Variants in TENM3 observed in about 807,000 individuals in gnomAD.
The protein encoded by TENM3 is teneurin transmembrane protein 3, also known as teneurin-3.
In TENM3, 63 loss-of-function variants were observed where a neutral mutation model predicts 255.1. The ratio of observed to expected loss-of-function variants is 0.25; its 90% CI spans 0.20 to 0.30. TENM3 has a LOEUF of 0.30. TENM3 is among the 10% of genes least tolerant of loss of function. TENM3 has a pLI of 1.00. For missense variants in TENM3, 2,929 were observed against 3,461.1 expected (o/e 0.85, Z 3.86); for synonymous variants, 1,306 against 1,322.3 (o/e 0.99, Z 0.27).
the TENM3 span, among the ~76,000 whole-genome samples, chr4:181,543,158 T>G: frequency 1.3e-5 from 2 of 152,318 alleles, no homozygotes; most frequent in South Asian, 4.1e-4. Context: ...TCTTATAAAA[T>G]GTATTCCCAC....
chr4:181,527,264 A>G, the TENM3 span, among the ~76,000 whole-genome samples: 6 of 152,208 alleles, frequency 3.9e-5, no homozygotes, highest in African/African-American at 1.2e-4. Flanking sequence ...CTTTTTGTAA[A>G]TGGATTCCCA....
the TENM3 span, among the ~76,000 whole-genome samples, chr4:181,787,862 G>A: frequency 4.6e-5 from 7 of 152,208 alleles, 1 homozygote; most frequent in African/African-American, 1.2e-4. Context: ...CTAGCCAAGC[G>A]TGGTAGTGGG....
At chr4:181,733,600 G>A in the TENM3 span, among the ~76,000 whole-genome samples, 1 of 152,138 alleles carries the variant, frequency 6.6e-6, no homozygotes, top group Non-Finnish European at 1.5e-5. Context: ...GGCATCACTT[G>A]TTTGAATGAT....
intron 1 of TENM3, among the ~76,000 whole-genome samples, chr4:182,304,540 T>G (rs1762032648): frequency 6.6e-6 from 1 of 152,110 alleles, no homozygotes; most frequent in African/African-American, 2.4e-5. Context: ...TAAAATTGGC[T>G]GTATTGTCTC....
chr4:182,284,090 C>T (rs985238904), intron 1 of TENM3, among the ~76,000 whole-genome samples: 3 of 152,154 alleles, frequency 2.0e-5, no homozygotes, highest in South Asian at 2.1e-4. Flanking sequence ...ACAAAGTCTA[C>T]GTTTATAAGA....
chr4:181,615,144 G>T, the TENM3 span, among the ~76,000 whole-genome samples: 13 of 152,230 alleles, frequency 8.5e-5, no homozygotes, highest in East Asian at 1.2e-3. Flanking sequence ...GATCAGAGAG[G>T]TTCATCTGTA....
At chr4:182,341,709 G>A (rs1388862346) in intron 2 of TENM3, among the ~76,000 whole-genome samples, 6 of 152,180 alleles carry the variant, frequency 3.9e-5, no homozygotes, top group African/African-American at 1.2e-4. Context: ...ATAGGATATA[G>A]TTCCAAAGGT....
intron 3 of TENM3, among the ~76,000 whole-genome samples, chr4:182,597,462 A>C (rs1747375109): frequency 6.6e-6 from 1 of 152,202 alleles, no homozygotes; most frequent in South Asian, 2.1e-4. Context: ...TTTCAGTAAC[A>C]GAAATAAAAT....
At chr4:182,704,673 T>C (rs1226287066) in intron 12 of TENM3, among the ~76,000 whole-genome samples, 1 of 152,168 alleles carries the variant, frequency 6.6e-6, no homozygotes, top group African/African-American at 2.4e-5. Context: ...ATTCAGATAA[T>C]TTTTACACCA....
the TENM3 span, among the ~76,000 whole-genome samples, chr4:181,493,725 C>T: frequency 3.9e-5 from 6 of 152,140 alleles, no homozygotes; most frequent in African/African-American, 1.4e-4. Context: ...GCCTGGGCAA[C>T]AGGAGCAAAA....
At chr4:182,233,809 T>C (rs1756724512) in intron 1 of TENM3, among the ~76,000 whole-genome samples, 1 of 152,248 alleles carries the variant, frequency 6.6e-6, no homozygotes, top group Admixed American at 6.5e-5. Flanking sequence ...GACTGTTCTC[T>C]TTCACTTCAG....
the TENM3 span, among the ~76,000 whole-genome samples, chr4:182,045,459 C>T: frequency 1.3e-5 from 2 of 150,680 alleles, no homozygotes; most frequent in Non-Finnish European, 2.9e-5. Flanking sequence ...ACATAACCTA[C>T]GAAAGAACAG....
chr4:181,447,786 T>A, the TENM3 span, among the ~76,000 whole-genome samples: 2 of 152,308 alleles, frequency 1.3e-5, no homozygotes, highest in South Asian at 4.1e-4. Flanking sequence ...AGTACCCATG[T>A]GCGGCCAGCA....
intron 22 of TENM3, among the ~76,000 whole-genome samples, chr4:182,766,518 A>G (rs1204052155): frequency 1.3e-5 from 2 of 152,274 alleles, no homozygotes; most frequent in East Asian, 3.9e-4. Flanking sequence ...TGAATTTCAG[A>G]GCTGGGCATT....
intron 1 of TENM3, among the ~76,000 whole-genome samples, chr4:182,264,861 A>T (rs1202209994): frequency 2.6e-5 from 4 of 152,196 alleles, no homozygotes; most frequent in Non-Finnish European, 5.9e-5. Flanking sequence ...GTGGATAAAC[A>T]AGCTATAAAT....
the TENM3 span, among the ~76,000 whole-genome samples, chr4:182,003,576 T>C: frequency 6.6e-6 from 1 of 152,112 alleles, no homozygotes; most frequent in Non-Finnish European, 1.5e-5. Flanking sequence ...AAGCAGATGC[T>C]TGACTGTTAC....
chr4:181,663,211 C>T, the TENM3 span, among the ~76,000 whole-genome samples: 1 of 152,076 alleles, frequency 6.6e-6, no homozygotes, highest in Non-Finnish European at 1.5e-5. Context: ...GGCAATATTC[C>T]ATGTGGAACT....
chr4:181,947,560 T>C, the TENM3 span, among the ~76,000 whole-genome samples: 1 of 152,188 alleles, frequency 6.6e-6, no homozygotes, highest in African/African-American at 2.4e-5. Context: ...GTTACCATTC[T>C]CTTCTTTATG....
At chr4:181,597,828 A>G in the TENM3 span, among the ~76,000 whole-genome samples, 3 of 152,170 alleles carry the variant, frequency 2.0e-5, no homozygotes, top group African/African-American at 7.2e-5. Context: ...AGGTTATGGG[A>G]AAAAAATCCT....
Sources: gnomAD v4.1 joint callset for allele counts (sites outside exome capture counted in the v4.1 genomes callset) on GRCh38, gnomAD v4.1.1 for gene constraint, MANE v1.5 for transcripts, NCBI Gene and HGNC (gene_info 2026-07-23, HGNC 2026-07-21) for gene names.